The following ACOXL variants were observed in gnomAD, a reference collection of about 807,000 sequenced individuals.
The protein encoded by ACOXL is acyl-coenzyme A oxidase-like protein.
In ACOXL, 70 loss-of-function variants were observed where a neutral mutation model predicts 71.9. That is an observed-to-expected ratio of 0.97 (90% confidence interval 0.80 to 1.19). The LOEUF (loss-of-function observed/expected upper bound fraction) is 1.19, where lower values mean the gene tolerates loss of function less well. Ranked by LOEUF, ACOXL falls within the 50% of genes most tolerant of loss-of-function variation. The pLI is 0.00. For missense variants in ACOXL, 703 were observed against 736.3 expected (o/e 0.95, Z 0.52); for synonymous variants, 253 against 281.6 (o/e 0.90, Z 1.02).
intron 10 of ACOXL, among the ~76,000 whole-genome samples, chr2:110,852,300 G>A (rs148568468): frequency 7.3e-4 from 111 of 152,248 alleles, no homozygotes; most frequent in Non-Finnish European, 1.3e-3. Context: ...GGTCTTGCTC[G>A]TATTTCTGTT....
chr2:110,963,051 C>T (rs1371584329), intron 12 of ACOXL, among the ~76,000 whole-genome samples: 4 of 152,098 alleles, frequency 2.6e-5, no homozygotes, highest in Admixed American at 6.6e-5. Context: ...TGTGCAGAAA[C>T]ACTGCCAATG....
At chr2:110,820,029 C>T (rs566189849) in intron 9 of ACOXL, among the ~76,000 whole-genome samples, 3 of 152,304 alleles carry the variant, frequency 2.0e-5, no homozygotes, top group African/African-American at 7.2e-5. Context: ...AGTAAAGTCC[C>T]TTGCACCGTG....
intron 9 of ACOXL, among the ~76,000 whole-genome samples, chr2:110,824,202 C>G (rs1055692304): frequency 6.6e-6 from 1 of 152,178 alleles, no homozygotes; most frequent in African/African-American, 2.4e-5. Context: ...TCTGAATTCT[C>G]TCTTCTGTTT....
chr2:111,065,003 CTT>C (rs1171256758), intron 16 of ACOXL, among the ~76,000 whole-genome samples: 1 of 152,058 alleles, frequency 6.6e-6, no homozygotes, highest in Non-Finnish European at 1.5e-5. Context: ...TATAGACAAA[CTT>C]ATACTGAAAT....
At chr2:110,800,409 A>G (rs1685827895) in intron 7 of ACOXL, among the ~76,000 whole-genome samples, 1 of 152,232 alleles carries the variant, frequency 6.6e-6, no homozygotes, top group Admixed American at 6.5e-5. Flanking sequence ...TTTAGATTAG[A>G]GCCTACCCCA....
intron 15 of ACOXL, among the ~76,000 whole-genome samples, chr2:111,041,545 C>T (rs1272900396): frequency 6.6e-6 from 1 of 152,104 alleles, no homozygotes; most frequent in East Asian, 1.9e-4. Context: ...ACACTGGCTG[C>T]TGGAGATGAC....
At chr2:111,117,127 T>G (rs1438920112) in intron 17 of ACOXL, among the ~76,000 whole-genome samples, 1 of 152,242 alleles carries the variant, frequency 6.6e-6, no homozygotes. Flanking sequence ...CTGGGGAGAC[T>G]GGAGCAGGTC....
At chr2:111,095,108 G>T (rs1195449603) in intron 17 of ACOXL, among the ~76,000 whole-genome samples, 6 of 152,008 alleles carry the variant, frequency 3.9e-5, no homozygotes, top group African/African-American at 1.2e-4. Flanking sequence ...CGCTTGATGT[G>T]AGGAGTAGCA....
chr2:110,735,547 C>G (rs1169724474), intron 1 of ACOXL, among the ~76,000 whole-genome samples: 1 of 152,224 alleles, frequency 6.6e-6, no homozygotes, highest in East Asian at 1.9e-4. Flanking sequence ...TGGCCACTCT[C>G]CTCAGAGGAG....
chr2:110,794,713 T>TA (rs1288516471), intron 5 of ACOXL, among the ~76,000 whole-genome samples: 2 of 152,136 alleles, frequency 1.3e-5, no homozygotes, highest in Non-Finnish European at 2.9e-5. Context: ...CTTCTACCTT[T>TA]ACTCTATATG....
chr2:111,082,381 T>C (rs1214481640), intron 16 of ACOXL, among the ~76,000 whole-genome samples: 2 of 151,006 alleles, frequency 1.3e-5, no homozygotes, highest in Non-Finnish European at 2.9e-5. Flanking sequence ...CATAGACACT[T>C]CTCAAAAGAA....
intron 16 of ACOXL, among the ~76,000 whole-genome samples, chr2:111,053,330 C>T (rs1193435754): frequency 2.0e-5 from 3 of 152,164 alleles, no homozygotes; most frequent in African/African-American, 7.2e-5. Flanking sequence ...TCCTTCTCAT[C>T]TTTGGAATAG....
At chr2:110,895,465 T>C (rs2058970464) in intron 10 of ACOXL, among the ~76,000 whole-genome samples, 1 of 151,990 alleles carries the variant, frequency 6.6e-6, no homozygotes, top group Non-Finnish European at 1.5e-5. Context: ...GTCTTTCAAG[T>C]CTCAGAAAAA....
chr2:110,929,858 G>A (rs1327555943), intron 11 of ACOXL, among the ~76,000 whole-genome samples: 1 of 152,242 alleles, frequency 6.6e-6, no homozygotes, highest in Non-Finnish European at 1.5e-5. Context: ...GAGCCTGCAG[G>A]TTCACAGAAG....
intron 9 of ACOXL, among the ~76,000 whole-genome samples, chr2:110,818,559 A>G (rs991553163): frequency 2.0e-5 from 3 of 151,072 alleles, no homozygotes; most frequent in African/African-American, 4.9e-5. Flanking sequence ...ATATATATGT[A>G]TGTGTATATA....
chr2:110,819,187 G>A (rs886296880), intron 9 of ACOXL, among the ~76,000 whole-genome samples: 1 of 152,180 alleles, frequency 6.6e-6, no homozygotes, highest in African/African-American at 2.4e-5. Context: ...CAATAGATTG[G>A]TGCAGTTGAA....
At chr2:110,992,895 T>A (rs1422312178) in intron 13 of ACOXL, among the ~76,000 whole-genome samples, 2 of 152,230 alleles carry the variant, frequency 1.3e-5, no homozygotes, top group Admixed American at 1.3e-4. Context: ...TACATTATGC[T>A]GTAAAATTTA....
chr2:110,846,787 T>TTG (rs1691937672), intron 10 of ACOXL, among the ~76,000 whole-genome samples: 2 of 149,974 alleles, frequency 1.3e-5, no homozygotes, highest in East Asian at 2.0e-4. Context: ...GTGTGTGTGT[T>TTG]GGGGGGGGTG....
chr2:111,060,967 C>T (rs1326611707), intron 16 of ACOXL, among the ~76,000 whole-genome samples: 1 of 152,046 alleles, frequency 6.6e-6, no homozygotes. Context: ...ATGACTGACT[C>T]TGTACAACAG....
Sources: allele counts gnomAD v4.1 joint callset (sites outside exome capture counted in the v4.1 genomes callset), GRCh38; gene constraint gnomAD v4.1.1; transcripts MANE v1.5; gene names NCBI Gene and HGNC (gene_info 2026-07-23, HGNC 2026-07-21).